The following NTRK3 variants were observed in gnomAD, a reference collection of about 807,000 sequenced individuals.
NTRK3 encodes neurotrophic receptor tyrosine kinase 3.
Under a neutral mutation model 91.7 loss-of-function variants are expected in NTRK3, and 24 were observed. The ratio of observed to expected loss-of-function variants is 0.26; its 90% CI spans 0.19 to 0.37. The LOEUF (loss-of-function observed/expected upper bound fraction) is 0.37. Ranked by LOEUF, NTRK3 falls within the 10% of genes least tolerant of loss-of-function variation. The probability of loss-of-function intolerance (pLI) is 1.00; values close to 1 mark genes in which losing one functional copy is unlikely to be tolerated. For missense variants in NTRK3, 880 were observed against 1,068.9 expected (o/e 0.82, Z 2.46); for synonymous variants, 483 against 404.0 (o/e 1.20, Z -2.34).
intron 13 of NTRK3, among the ~76,000 whole-genome samples, chr15:88,123,260 A>T (rs1379310383): frequency 1.3e-5 from 2 of 152,226 alleles, no homozygotes; most frequent in Non-Finnish European, 2.9e-5. Flanking sequence ...TTGAGGAAAC[A>T]GAGGCACTGA....
chr15:88,161,506 G>A (rs1204186484), intron 5 of NTRK3, among the ~76,000 whole-genome samples: 1 of 152,150 alleles, frequency 6.6e-6, no homozygotes. Flanking sequence ...TCACCCCCAG[G>A]TCTGGAAAGA....
At chr15:88,176,713 A>T (rs2046030236) in intron 5 of NTRK3, among the ~76,000 whole-genome samples, 1 of 152,150 alleles carries the variant, frequency 6.6e-6, no homozygotes. Flanking sequence ...ACTACCAATC[A>T]CTTGGCATAT....
chr15:87,875,706 C>T (rs774725828), exon 19 of NTRK3: 2 of 232,918 alleles, frequency 8.6e-6, no homozygotes, highest in African/African-American at 2.2e-5. Context: ...CCCCTGCTGG[C>T]TCTCACCCAC....
chr15:88,029,054 G>C (rs77483016), intron 14 of NTRK3, among the ~76,000 whole-genome samples: 1 of 152,048 alleles, frequency 6.6e-6, no homozygotes, highest in Admixed American at 6.6e-5. Context: ...TCATTCTATC[G>C]GACCTGGCCC....
chr15:87,944,264 G>A (rs1043698269), intron 14 of NTRK3, among the ~76,000 whole-genome samples: 7 of 152,156 alleles, frequency 4.6e-5, no homozygotes, highest in African/African-American at 1.7e-4. Context: ...AACACATAAG[G>A]CAAATCACTT....
intron 13 of NTRK3, among the ~76,000 whole-genome samples, chr15:88,065,303 G>C (rs2046555222): frequency 1.3e-5 from 2 of 152,180 alleles, no homozygotes; most frequent in South Asian, 4.1e-4. Context: ...ATAGCTTCTA[G>C]CTCTCTAGCA....
chr15:88,110,836 C>T (rs150018605), intron 13 of NTRK3, among the ~76,000 whole-genome samples: 1 of 152,238 alleles, frequency 6.6e-6, no homozygotes, highest in Non-Finnish European at 1.5e-5. Context: ...ACCCAATTTT[C>T]ATTTCAAAGT....
intron 14 of NTRK3, among the ~76,000 whole-genome samples, chr15:88,032,620 A>C (rs969359499): frequency 6.6e-6 from 1 of 152,096 alleles, no homozygotes; most frequent in African/African-American, 2.4e-5. Flanking sequence ...GCCCAGGTGA[A>C]GAAAAAAGGG....
intron 14 of NTRK3, among the ~76,000 whole-genome samples, chr15:87,984,766 A>G (rs1379216549): frequency 6.6e-6 from 1 of 152,154 alleles, no homozygotes. Flanking sequence ...TGAAAGTCCG[A>G]GAGTTCTGGC....
intron 13 of NTRK3, among the ~76,000 whole-genome samples, chr15:88,075,019 T>G (rs2047410361): frequency 6.6e-6 from 1 of 152,202 alleles, no homozygotes. Flanking sequence ...ACCTGTAAGC[T>G]CCAGGGGGTT....
At chr15:87,979,736 G>A (rs1002550216) in intron 14 of NTRK3, among the ~76,000 whole-genome samples, 3 of 152,158 alleles carry the variant, frequency 2.0e-5, no homozygotes, top group Non-Finnish European at 4.4e-5. Context: ...TGTCATGGAA[G>A]AGGAGGAGAG....
At chr15:88,147,488 G>C (rs188616779) in intron 5 of NTRK3, 85 bp from the exon 6 acceptor site, 4 of 1,132,740 alleles carry the variant, frequency 3.5e-6, no homozygotes, top group Admixed American at 3.6e-5. Flanking sequence ...CATTTCACTG[G>C]AGCCTGGCTT....
Position 87,887,050 on chromosome 15 carries a change from G to T in NTRK3, c.2134-6622C>A, listed in dbSNP as rs949627630. ...GAGTCCTAAAAATTGATGCTGGTGT[G>T]TATCTCATTTCATAATTTTAAACAC... On this transcript the variant is annotated intron_variant, in intron 17 of 18. Transcript: ENST00000394480. Among the ~76,000 whole-genome samples the T allele has an allele frequency of 2.0e-5, 3 of 151,972 alleles. No individual in the cohort carries two copies. In the East Asian group the frequency reaches 5.8e-4, roughly 29 times the overall value.
intron 14 of NTRK3, among the ~76,000 whole-genome samples, chr15:87,990,082 T>C (rs778918423): frequency 6.6e-6 from 1 of 152,212 alleles, no homozygotes; most frequent in Non-Finnish European, 1.5e-5. Flanking sequence ...CCTATAATAA[T>C]GACTTGGAGT....
chr15:88,213,961 C>T (rs1180037328), intron 3 of NTRK3, among the ~76,000 whole-genome samples: 1 of 152,100 alleles, frequency 6.6e-6, no homozygotes, highest in East Asian at 1.9e-4. Context: ...TGTCTGTAGT[C>T]CCAGCTACTC....
intron 13 of NTRK3, among the ~76,000 whole-genome samples, chr15:88,071,668 G>A (rs2047099509): frequency 6.6e-6 from 1 of 152,194 alleles, no homozygotes; most frequent in Non-Finnish European, 1.5e-5. Context: ...TTATAGCTAG[G>A]ATCGCTGAGG....
At chr15:88,085,434 G>A (rs761389227) in intron 13 of NTRK3, among the ~76,000 whole-genome samples, 27 of 152,164 alleles carry the variant, frequency 1.8e-4, no homozygotes, top group Admixed American at 3.9e-4. Context: ...CAGCTTGCAT[G>A]CCTACCATCT....
intron 14 of NTRK3, among the ~76,000 whole-genome samples, chr15:88,007,822 T>A (rs1021916032): frequency 6.6e-6 from 1 of 152,202 alleles, no homozygotes; most frequent in African/African-American, 2.4e-5. Flanking sequence ...GATCTCTCTA[T>A]GCCTCAGTAA....
intron 17 of NTRK3, among the ~76,000 whole-genome samples, chr15:87,915,847 A>G (rs1156545029): frequency 6.6e-6 from 1 of 152,196 alleles, no homozygotes; most frequent in East Asian, 1.9e-4. Flanking sequence ...TGAGGAATCT[A>G]AGTCTTAGTG....
Sources: gnomAD v4.1 joint callset for allele counts (sites outside exome capture counted in the v4.1 genomes callset) on GRCh38, gnomAD v4.1.1 for gene constraint, MANE v1.5 for transcripts, NCBI Gene and HGNC (gene_info 2026-07-23, HGNC 2026-07-21) for gene names.